The following CEP85L variants were observed in gnomAD, a reference collection of about 807,000 sequenced individuals.
The protein encoded by CEP85L is centrosomal protein 85L.
In CEP85L, 60 loss-of-function variants were observed where a neutral mutation model predicts 100.3. The observed-to-expected ratio is 0.60, with a 90% confidence interval of 0.49 to 0.74. The LOEUF is 0.74. Ranked by LOEUF, CEP85L falls within the 30% of genes least tolerant of loss-of-function variation. The pLI is 0.00. For synonymous variants in CEP85L, 319 were observed against 322.7 expected (o/e 0.99, Z 0.12); for missense variants, 973 against 936.2 (o/e 1.04, Z -0.51).
intron 2 of CEP85L, among the ~76,000 whole-genome samples, chr6:118,594,116 A>G (rs1034262670): frequency 2.6e-5 from 4 of 152,186 alleles, no homozygotes; most frequent in African/African-American, 7.2e-5. Flanking sequence ...GACTTCATAT[A>G]TACAATGATT....
At position 118,602,824 on chromosome 6, in the gene CEP85L, C is replaced by CT. The variant is rs780515256; in HGVS notation, c.232+29628dup. Among the ~76,000 whole-genome samples, 307 of 144,456 alleles carry CT rather than the reference C, an allele frequency of 2.1e-3. 1 individual carries two copies. Among genetic ancestry groups the CT allele is most frequent in the Middle Eastern group, 0.011 (3 of 280 alleles). The allele number at this position is 144,456 out of a possible 152,430, so 94.8% of individuals were successfully genotyped here. On this transcript the variant is annotated intron_variant, in intron 2 of 12. Transcript: ENST00000368491. ...TCCATAGATGGAATTTCAGATAAGA[C>CT]TTTTTTTTTTTTTGGAGATATAGTC...
chr6:118,667,199 A>G (rs10872167), intron 1 of CEP85L, among the ~76,000 whole-genome samples: 55,908 of 151,988 alleles, frequency 0.37, 11,016 homozygotes, highest in Non-Finnish European at 0.46. Flanking sequence ...GAGATTCTAG[A>G]TTTCGTGGCC....
intron 1 of CEP85L, among the ~76,000 whole-genome samples, chr6:118,666,261 C>G (rs776756988): frequency 6.6e-6 from 1 of 152,102 alleles, no homozygotes; most frequent in Non-Finnish European, 1.5e-5. Context: ...ATATCCAAAG[C>G]GGACCTATAC....
At chr6:118,643,699 A>T (rs1003382041) in intron 1 of CEP85L, among the ~76,000 whole-genome samples, 2 of 152,202 alleles carry the variant, frequency 1.3e-5, no homozygotes, top group Admixed American at 6.5e-5. Flanking sequence ...AAACAAAAGT[A>T]GGGGTAGAGT....
intron 1 of CEP85L, among the ~76,000 whole-genome samples, chr6:118,672,136 A>C (rs998800669): frequency 6.6e-6 from 1 of 152,118 alleles, no homozygotes; most frequent in African/African-American, 2.4e-5. Flanking sequence ...TCCTGGGCTC[A>C]AGCGATTCTC....
intron 3 of CEP85L, among the ~76,000 whole-genome samples, chr6:118,541,274 T>TG (rs1777890235): frequency 6.6e-6 from 1 of 152,256 alleles, no homozygotes; most frequent in African/African-American, 2.4e-5. Context: ...GATGATGAGA[T>TG]GTTCATGCCC....
Position 118,469,208 on chromosome 6 carries a change from T to G in CEP85L, c.2118A>C (p.Leu706=). ...RQQTVLSKRP[L]FDLTVIDQLF... is the part of the protein sequence containing the mutation. ...GCTGATCAATCACAGTCAAATCAAA[T>G]AGTGGCCGTTTGGAAAGAACTGTCT... is the stretch of plus-strand genomic sequence containing the variant. Residue 706 remains leucine (L), a synonymous_variant, in exon 12 of 13, where the codon CTA becomes CTC. Transcript: ENST00000368491. 6.2e-7 allele frequency: 1 copy of G among 1,614,026 alleles called. No individual in the cohort carries two copies. The highest frequency in any genetic ancestry group is 1.3e-5 in the African/African-American group (1 of 75,032).
chr6:118,590,748 C>T (rs1463959819), intron 2 of CEP85L, among the ~76,000 whole-genome samples: 1 of 152,136 alleles, frequency 6.6e-6, no homozygotes, highest in Non-Finnish European at 1.5e-5. Context: ...CCCCAGAAAA[C>T]AAGTATTGTC....
At chr6:118,689,464 G>A (rs1776957741) in intron 1 of CEP85L, among the ~76,000 whole-genome samples, 1 of 152,132 alleles carries the variant, frequency 6.6e-6, no homozygotes, top group South Asian at 2.1e-4. Context: ...AGTCTGTTAG[G>A]AATGAGAAGA....
intron 5 of CEP85L, chr6:118,502,456 G>C: frequency 1.9e-6 from 1 of 521,022 alleles, no homozygotes; most frequent in Non-Finnish European, 3.7e-6. Flanking sequence ...GACGATGAAG[G>C]CCATACTAGG....
At chr6:118,620,912 T>C (rs980935036) in intron 2 of CEP85L, among the ~76,000 whole-genome samples, 1 of 152,274 alleles carries the variant, frequency 6.6e-6, no homozygotes, top group East Asian at 1.9e-4. Context: ...AGGAGGGACA[T>C]ATTATCCAAA....
At chr6:118,625,029 T>G (rs9489477) in intron 2 of CEP85L, among the ~76,000 whole-genome samples, 24,817 of 152,252 alleles carry the variant, frequency 0.16, 2,171 homozygotes, top group Non-Finnish European at 0.19. Context: ...CATGTCCCAG[T>G]AGTCCCTGTC....
intron 6 of CEP85L, among the ~76,000 whole-genome samples, chr6:118,486,725 T>TA (rs1774212078): frequency 6.6e-6 from 1 of 152,192 alleles, no homozygotes; most frequent in Admixed American, 6.6e-5. Context: ...TTTCCATTCT[T>TA]AATTGCCTCA....
intron 2 of CEP85L, among the ~76,000 whole-genome samples, chr6:118,610,414 T>C (rs556711704): frequency 9.9e-5 from 15 of 152,216 alleles, no homozygotes; most frequent in African/African-American, 3.6e-4. Context: ...TGTCCAGCAA[T>C]ATGGTGACAC....
chr6:118,502,036 G>A (rs1281418120), intron 5 of CEP85L: 6 of 833,844 alleles, frequency 7.2e-6, no homozygotes, highest in Non-Finnish European at 1.0e-5. Context: ...AAAACCAGAT[G>A]GAACAAGAAG....
Position 118,672,502 on chromosome 6 carries a change from C to A in CEP85L, c.-27-19694G>T, listed in dbSNP as rs527240322. ...TGCCCCATGGCCAGCCATTGTGGCT[C>A]ACATCTGTAATCCCAGCACTCTGGG... On this transcript the variant is annotated intron_variant, in intron 1 of 13. Coordinates refer to the CEP85L transcript ENST00000368488. Among the ~76,000 whole-genome samples, 9 of 152,222 alleles carry A rather than the reference C, an allele frequency of 5.9e-5. No homozygotes were observed. The South Asian group carries it at 1.7e-3, about 28-fold the overall frequency.
At position 118,511,180 on chromosome 6, in the gene CEP85L, T is replaced by C. The variant is rs75063642; in HGVS notation, c.1257+118A>G. On this transcript the variant is annotated intron_variant, in intron 5 of 12. Transcript: ENST00000368491. The stretch of plus-strand genomic sequence containing the variant: ...ACTCTTTGCCACACATATAAATAAA[T>C]ATAAATCATGTGAATACATTATTAA... The C allele has an allele frequency of 1.3e-4, 90 of 701,744 alleles. No individual in the cohort carries two copies. In the East Asian group the frequency reaches 2.5e-3, roughly 19 times the overall value. 43.5% of individuals were successfully genotyped at this position (701,744 alleles called of 1,614,324 possible).
rs146186036 is a variant in CEP85L, at chr6:118,469,389, T to G, written c.2023-86A>C. 341 of 1,011,644 alleles carry G rather than the reference T, an allele frequency of 3.4e-4. No homozygotes were observed. In the African/African-American group the frequency reaches 5.0e-3, roughly 15 times the overall value. 62.7% of individuals were successfully genotyped at this position (1,011,644 alleles called of 1,614,324 possible). ...ATACAGGTTAACATTCTCCCCCAAG[T>G]CTATAAACAAAACGATGGAGTCATA... is the stretch of plus-strand genomic sequence containing the variant. On this transcript the variant is annotated intron_variant, in intron 11 of 12. Coordinates refer to ENST00000368491, the MANE Select transcript of CEP85L (RefSeq NM_001042475.3).
At chr6:118,577,701 G>A (rs1329452313) in intron 2 of CEP85L, among the ~76,000 whole-genome samples, 2 of 152,178 alleles carry the variant, frequency 1.3e-5, no homozygotes, top group African/African-American at 4.8e-5. Context: ...AAAAGGTGGG[G>A]TCTGTGTCAT....
Sources: allele counts gnomAD v4.1 joint callset (sites outside exome capture counted in the v4.1 genomes callset), GRCh38; gene constraint gnomAD v4.1.1; transcripts MANE v1.5; gene names NCBI Gene and HGNC (gene_info 2026-07-23, HGNC 2026-07-21).